The following DAB2IP variants were observed in gnomAD, a reference collection of about 807,000 sequenced individuals.
The protein encoded by DAB2IP is DAB2 interacting protein.
DAB2IP carries 28 observed loss-of-function variants against 107.2 expected under a neutral mutation model. The ratio of observed to expected loss-of-function variants is 0.26; its 90% CI spans 0.19 to 0.36. DAB2IP has a LOEUF of 0.36. Among genes scored for constraint, DAB2IP ranks in the 10% least tolerant of loss-of-function variants. The pLI is 1.00. For synonymous variants in DAB2IP, 755 were observed against 706.4 expected, an observed-to-expected ratio of 1.07 and a Z score of -1.09; for missense variants, 1,400 against 1,644.7, an observed-to-expected ratio of 0.85 and a Z score of 2.57.
chr9:121,571,919 C>T (rs765584047), intron 1 of DAB2IP, among the ~76,000 whole-genome samples: 4 of 152,006 alleles, frequency 2.6e-5, no homozygotes, highest in South Asian at 2.1e-4. Context: ...CTCGGAAACT[C>T]GGCACTAACC....
intron 1 of DAB2IP, among the ~76,000 whole-genome samples, chr9:121,582,752 A>G (rs1830227619): frequency 6.6e-6 from 1 of 152,158 alleles, no homozygotes; most frequent in Non-Finnish European, 1.5e-5. Flanking sequence ...TGAGCCGGAA[A>G]CACCTGCCTC....
intron 3 of DAB2IP, among the ~76,000 whole-genome samples, chr9:121,749,542 T>A (rs930973453): frequency 3.9e-5 from 6 of 152,164 alleles, no homozygotes; most frequent in African/African-American, 1.4e-4. Context: ...CCAGACCTGG[T>A]TGGGGTAGTG....
At chr9:121,587,468 C>T (rs905796288) in intron 1 of DAB2IP, among the ~76,000 whole-genome samples, 16 of 152,000 alleles carry the variant, frequency 1.1e-4, no homozygotes, top group Admixed American at 7.9e-4. Flanking sequence ...ATTAGCCAGG[C>T]GTAGTGGCAC....
At chr9:121,754,380 C>T (rs1157117347) in intron 3 of DAB2IP, among the ~76,000 whole-genome samples, 1 of 152,222 alleles carries the variant, frequency 6.6e-6, no homozygotes, top group Non-Finnish European at 1.5e-5. Context: ...GCTTGCTGTA[C>T]TATCCAGGAA....
In DAB2IP at chr9:121,686,156, C is replaced by T. The variant is rs577781185; in HGVS notation, c.228+7375C>T. On this transcript the variant is annotated intron_variant, in intron 2 of 15. Coordinates refer to ENST00000408936, the Ensembl canonical transcript of DAB2IP. ...TTGGGGGGACAAGCAAATTGCTTTT[C>T]TCAAGCAGGTTCTCAGGAGCCTGTT... is the stretch of plus-strand genomic sequence containing the variant. 3.6e-3 allele frequency among the ~76,000 whole-genome samples: 549 copies of T among 152,284 alleles called. 3 individuals are homozygous for T. The highest frequency in any genetic ancestry group is 5.7e-3 in the Non-Finnish European group (388 of 68,016).
intron 1 of DAB2IP, among the ~76,000 whole-genome samples, chr9:121,658,509 C>T (rs1408582060): frequency 6.6e-6 from 1 of 152,088 alleles, no homozygotes; most frequent in African/African-American, 2.4e-5. Flanking sequence ...TTTAGCCATC[C>T]CGATTCAGTA....
Position 121,774,357 on chromosome 9 carries a change from A to ACC in DAB2IP, c.3072_3073dup (p.His1025ProfsTer6). 1.2e-6 allele frequency: 2 copies of ACC among 1,609,918 alleles called. No homozygotes were observed. Among genetic ancestry groups the ACC allele is most frequent in the Non-Finnish European group, 8.5e-7 (1 of 1,178,500 alleles). ...TTAGAAGACGAGGGCCTGGGCCCAG[A>ACC]CCCCCCCCACAGGGATAGGCTAAGG... On this transcript the variant is annotated frameshift_variant, in exon 13 of 16. Coordinates refer to ENST00000408936, the Ensembl canonical transcript of DAB2IP. LOFTEE classifies it high-confidence loss of function.
chr9:121,598,889 T>C (rs1830595387), intron 1 of DAB2IP, among the ~76,000 whole-genome samples: 1 of 152,228 alleles, frequency 6.6e-6, no homozygotes, highest in African/African-American at 2.4e-5. Context: ...GTCAATAAGA[T>C]AGTCACGCTT....
Position 121,701,823 on chromosome 9 carries a change from T to C in DAB2IP, c.362+2365T>C, listed in dbSNP as rs1829798974. ...GGAGCAGTGCCTCTCCCTGCTCTGA[T>C]GTGGTGTGGTTGTGATGTTGAAGGC... On this transcript the variant is annotated intron_variant, in intron 3 of 15. Coordinates refer to ENST00000408936, the Ensembl canonical transcript of DAB2IP. The surrounding 1 kb of genome is among the most constrained non-coding windows in gnomAD (Gnocchi z 4.7). Among the ~76,000 whole-genome samples the C allele has an allele frequency of 6.6e-6, 1 of 151,992 alleles. No individual in the cohort carries two copies. The highest frequency in any genetic ancestry group is 2.1e-4 in the South Asian group (1 of 4,820).
chr9:121,780,118 T>C (rs1835497914), intron 14 of DAB2IP, among the ~76,000 whole-genome samples: 1 of 152,222 alleles, frequency 6.6e-6, no homozygotes. Flanking sequence ...ACTCCTAGTC[T>C]CAAGTGATCC....
At chr9:121,631,011 G>C (rs1002630806) in intron 1 of DAB2IP, among the ~76,000 whole-genome samples, 1 of 152,240 alleles carries the variant, frequency 6.6e-6, no homozygotes. Context: ...TCCTGCTGAG[G>C]CCCAGGGAGG....
chr9:121,781,660 A>G (rs1309577524), intron 15 of DAB2IP, 109 bp downstream of exon 15: 2 of 1,111,894 alleles, frequency 1.8e-6, no homozygotes, highest in Non-Finnish European at 2.6e-6. Context: ...CACTGAGGGG[A>G]ATAAGAAACC....
chr9:121,761,055 C>A (rs1833851224), intron 6 of DAB2IP, among the ~76,000 whole-genome samples: 1 of 152,208 alleles, frequency 6.6e-6, no homozygotes, highest in Non-Finnish European at 1.5e-5. Flanking sequence ...GCCAGAGGTG[C>A]TCAATGTCCA....
rs943050654 is a variant in DAB2IP, at chr9:121,766,848, C to T, written c.1697+118C>T. On this transcript the variant is annotated intron_variant, in intron 9 of 15. Coordinates refer to ENST00000408936, the Ensembl canonical transcript of DAB2IP. ...GACCATAAACAGGCCCTGGTTTTGT[C>T]CCTGTCATCCTCAGTCCTTCTCCTT... 4 of 997,422 alleles carry T rather than the reference C, an allele frequency of 4.0e-6. No homozygotes were observed. The South Asian group carries it at 4.5e-5, about 11-fold the overall frequency. 61.8% of individuals were successfully genotyped at this position (997,422 alleles called of 1,614,324 possible). A position where few individuals can be genotyped will look rare whatever the true frequency, so the allele number is the denominator to read the frequency against.
At chr9:121,580,647 T>C (rs568129229) in intron 1 of DAB2IP, among the ~76,000 whole-genome samples, 162 of 151,564 alleles carry the variant, frequency 1.1e-3, no homozygotes, top group African/African-American at 3.8e-3. Flanking sequence ...TTTTCTGAGA[T>C]GGAGTCTCGC....
intron 1 of DAB2IP, among the ~76,000 whole-genome samples, chr9:121,669,011 G>T (rs370519865): frequency 2.0e-5 from 3 of 148,626 alleles, no homozygotes; most frequent in African/African-American, 7.4e-5. Context: ...CACCTCCCAG[G>T]TTCAAGCAAT....
chr9:121,651,651 A>C lies in DAB2IP; in HGVS notation c.-125A>C, dbSNP rs1444275156. ...GTTTGAGCGACTTTGTGGGGCAGCCAGGGCCTCGGCGGCCGCTCGGGCGAG... is the reference window on the plus strand; with the variant it reads ...GTTTGAGCGACTTTGTGGGGCAGCCCGGGCCTCGGCGGCCGCTCGGGCGAG... On this transcript the variant is annotated 5_prime_UTR_variant, in exon 1 of 16. Coordinates refer to ENST00000408936, the Ensembl canonical transcript of DAB2IP. This position sits in a 1 kb window ranked among gnomAD's most constrained non-coding sequence, Gnocchi z 5.1. 1 of 1,074,858 alleles carries C rather than the reference A, an allele frequency of 9.3e-7. No homozygotes were observed. The highest frequency in any genetic ancestry group is 1.1e-6 in the Non-Finnish European group (1 of 889,512). The allele number at this position is 1,074,858 out of a possible 1,614,324, so 66.6% of individuals were successfully genotyped here.
chr9:121,748,440 A>G (rs1339500812), intron 3 of DAB2IP, among the ~76,000 whole-genome samples: 1 of 151,918 alleles, frequency 6.6e-6, no homozygotes, highest in South Asian at 2.1e-4. Flanking sequence ...TAGCCAAGCC[A>G]CTCCCTGTCT....
At chr9:121,690,099 G>A (rs909158872) in intron 2 of DAB2IP, among the ~76,000 whole-genome samples, 1 of 152,232 alleles carries the variant, frequency 6.6e-6, no homozygotes, top group Non-Finnish European at 1.5e-5. Flanking sequence ...AGTGCCTGAA[G>A]CTTAGACAGG....
Sources: allele counts gnomAD v4.1 joint callset (sites outside exome capture counted in the v4.1 genomes callset), GRCh38; gene constraint gnomAD v4.1.1; non-coding constraint Gnocchi (gnomAD v3.1); transcripts MANE v1.5; gene names NCBI Gene and HGNC (gene_info 2026-07-23, HGNC 2026-07-21).